RIMS1: variants seen among roughly 807,000 people sequenced by gnomAD.
The protein encoded by RIMS1 is regulating synaptic membrane exocytosis 1.
In RIMS1, 83 loss-of-function variants were observed where a neutral mutation model predicts 214.1. The ratio of observed to expected loss-of-function variants is 0.39; its 90% CI spans 0.32 to 0.47. RIMS1 has a LOEUF of 0.47. Among genes scored for constraint, RIMS1 ranks in the 20% least tolerant of loss-of-function variants. The pLI, the probability that RIMS1 is intolerant of heterozygous loss-of-function variation, is 0.99. For synonymous variants in RIMS1, 793 were observed against 786.8 expected, an observed-to-expected ratio of 1.01 and a Z score of -0.13; for missense variants, 2,050 against 2,161.8, an observed-to-expected ratio of 0.95 and a Z score of 1.03.
chr6:72,204,573 A>G (rs894046061), intron 6 of RIMS1, among the ~76,000 whole-genome samples: 3 of 152,238 alleles, frequency 2.0e-5, no homozygotes, highest in African/African-American at 7.2e-5. Flanking sequence ...AACTAAAATC[A>G]AATTTCGCCT....
At chr6:71,925,337 T>C in intron 1 of RIMS1, among the ~76,000 whole-genome samples, 1 of 152,168 alleles carries the variant, frequency 6.6e-6, no homozygotes, top group East Asian at 1.9e-4. Context: ...ATTTATTATT[T>C]GTAAAATGAT....
chr6:72,049,462 A>T (rs564385164), intron 2 of RIMS1, among the ~76,000 whole-genome samples: 1 of 152,328 alleles, frequency 6.6e-6, no homozygotes, highest in Admixed American at 6.5e-5. Context: ...TAGCAGTAAG[A>T]TAGTGAACAT....
intron 2 of RIMS1, among the ~76,000 whole-genome samples, chr6:72,045,828 A>C (rs1822846066): frequency 6.7e-6 from 1 of 149,942 alleles, no homozygotes; most frequent in Non-Finnish European, 1.5e-5. Context: ...TATATTCTTT[A>C]TTCTTTCCCC....
At chr6:72,217,161 T>C (rs1360023457) in intron 6 of RIMS1, 14 of 1,536,216 alleles carry the variant, frequency 9.1e-6, no homozygotes, top group Non-Finnish European at 1.2e-5. Context: ...GCCAGTGGCA[T>C]TTAGTTAACC....
At chr6:72,202,838 T>TCTCC (rs70994115) in intron 6 of RIMS1, among the ~76,000 whole-genome samples, 1 of 151,798 alleles carries the variant, frequency 6.6e-6, no homozygotes, top group Admixed American at 6.6e-5. Flanking sequence ...ACTTAACCCC[T>TCTCC]AAGTCTCAAG....
chr6:72,388,361 T>C (rs1297505524), intron 29 of RIMS1, among the ~76,000 whole-genome samples: 1 of 152,140 alleles, frequency 6.6e-6, no homozygotes, highest in South Asian at 2.1e-4. Flanking sequence ...CTGGAGAGCA[T>C]TGATCATATG....
intron 29 of RIMS1, among the ~76,000 whole-genome samples, chr6:72,360,947 A>T (rs55795707): frequency 0.22 from 32,112 of 147,250 alleles, 3,836 homozygotes; most frequent in Middle Eastern, 0.29. Context: ...TTTTTTTTTT[A>T]AAAGTTATTT....
At chr6:72,106,410 A>G (rs1344780187) in intron 4 of RIMS1, among the ~76,000 whole-genome samples, 4 of 152,204 alleles carry the variant, frequency 2.6e-5, no homozygotes, top group African/African-American at 7.2e-5. Context: ...AACTACTTCT[A>G]TGGAATTTGA....
At chr6:72,212,367 A>T (rs2053974376) in intron 6 of RIMS1, among the ~76,000 whole-genome samples, 1 of 151,540 alleles carries the variant, frequency 6.6e-6, no homozygotes, top group African/African-American at 2.4e-5. Context: ...TGCATCTGAT[A>T]GAAAAATAAT....
intron 19 of RIMS1, among the ~76,000 whole-genome samples, chr6:72,264,704 T>G (rs2079603201): frequency 6.6e-6 from 1 of 152,202 alleles, no homozygotes; most frequent in Non-Finnish European, 1.5e-5. Flanking sequence ...TATTGATCAA[T>G]GATAATTCAT....
chr6:72,350,163 A>G (rs975310752), intron 29 of RIMS1, among the ~76,000 whole-genome samples: 3 of 152,112 alleles, frequency 2.0e-5, no homozygotes, highest in Admixed American at 6.6e-5. Context: ...TAAATCACAG[A>G]ATTTTAAAAA....
At position 72,136,701 on chromosome 6, in the gene RIMS1, A is replaced by T. The variant is rs960997280; in HGVS notation, c.471+36715A>T. Reference sequence around the variant, plus strand: ...TAATATTTACTTTAGGAAGATAAGGATGACTTAACACCAAAAAAATCTAAC... The same window carrying T: ...TAATATTTACTTTAGGAAGATAAGGTTGACTTAACACCAAAAAAATCTAAC... On this transcript the variant is annotated intron_variant, in intron 4 of 33. Transcript: ENST00000521978. Among the ~76,000 whole-genome samples the T allele has an allele frequency of 2.6e-5, 4 of 152,256 alleles. No homozygotes were observed. In the South Asian group the frequency reaches 8.3e-4, roughly 32 times the overall value.
At chr6:72,160,397 C>G (rs2153931138) in intron 4 of RIMS1, among the ~76,000 whole-genome samples, 2 of 139,766 alleles carry the variant, frequency 1.4e-5, no homozygotes, top group African/African-American at 4.9e-5. Flanking sequence ...CCTGATTGCC[C>G]TGGCCAGAAC....
intron 2 of RIMS1, among the ~76,000 whole-genome samples, chr6:72,030,634 A>ATT (rs1350119379): frequency 2.0e-5 from 3 of 152,112 alleles, no homozygotes; most frequent in Admixed American, 2.0e-4. Context: ...TAAACTTGAG[A>ATT]TTTAGTTTTT....
At chr6:72,283,586 GA>G (rs1474218209) in intron 23 of RIMS1, among the ~76,000 whole-genome samples, 1 of 151,774 alleles carries the variant, frequency 6.6e-6, no homozygotes, top group African/African-American at 2.4e-5. Context: ...ATTTGTGGGG[GA>G]CAAATCAAAA....
intron 6 of RIMS1, among the ~76,000 whole-genome samples, chr6:72,223,947 C>CAAAA (rs34645921): frequency 2.8e-5 from 3 of 105,910 alleles, no homozygotes; most frequent in East Asian, 2.6e-4. Context: ...GACTCCGTCT[C>CAAAA]AAAAAAAAAA....
chr6:72,132,617 C>T (rs535159485), intron 4 of RIMS1, among the ~76,000 whole-genome samples: 1 of 152,078 alleles, frequency 6.6e-6, no homozygotes, highest in African/African-American at 2.4e-5. Flanking sequence ...CACAATTGCT[C>T]CAGGTCATGC....
In RIMS1 at chr6:71,917,002, G is replaced by A. The variant is rs9446509; in HGVS notation, c.164+29815G>A. 3.1e-3 allele frequency among the ~76,000 whole-genome samples: 473 copies of A among 152,248 alleles called. 3 individuals are homozygous for A. Among genetic ancestry groups the A allele is most frequent in the African/African-American group, 0.011 (459 of 41,552 alleles). ...AATGTAGTATTATGGAATTGGAGGTGTTTATATTCCAGTGTTTGAAAAAAG... is the reference window on the plus strand; with the variant it reads ...AATGTAGTATTATGGAATTGGAGGTATTTATATTCCAGTGTTTGAAAAAAG... On this transcript the variant is annotated intron_variant, in intron 1 of 33. Transcript: ENST00000521978.
intron 2 of RIMS1, among the ~76,000 whole-genome samples, chr6:71,984,282 G>A (rs1441962122): frequency 6.6e-6 from 1 of 152,038 alleles, no homozygotes; most frequent in African/African-American, 2.4e-5. Flanking sequence ...AAAGGGAAAT[G>A]GGAAGTAAAG....
Sources: allele counts gnomAD v4.1 joint callset (sites outside exome capture counted in the v4.1 genomes callset), GRCh38; gene constraint gnomAD v4.1.1; transcripts MANE v1.5; gene names NCBI Gene and HGNC (gene_info 2026-07-23, HGNC 2026-07-21).